SAMSN1: variants seen among roughly 807,000 people sequenced by gnomAD.
The protein encoded by SAMSN1 is SAM domain-containing protein SAMSN-1.
Under a neutral mutation model 42.0 loss-of-function variants are expected in SAMSN1, and 31 were observed. The ratio of observed to expected loss-of-function variants is 0.74; its 90% CI spans 0.55 to 1.00. The LOEUF is 1.00. Among genes scored for constraint, SAMSN1 ranks in the 50% least tolerant of loss-of-function variants. SAMSN1 has a pLI of 0.00. For missense variants in SAMSN1, 464 were observed against 439.4 expected, an observed-to-expected ratio of 1.06 and a Z score of -0.50; for synonymous variants, 178 against 151.9, an observed-to-expected ratio of 1.17 and a Z score of -1.26.
chr21:14,510,410 A>T lies in SAMSN1; in HGVS notation c.461T>A (p.Leu154Gln), dbSNP rs1987637281. The T allele has an allele frequency of 1.5e-5, 25 of 1,614,212 alleles. No homozygotes were observed. The highest frequency in any genetic ancestry group is 2.1e-5 in the Non-Finnish European group (25 of 1,180,020). Residue 154 changes from leucine (L) to glutamine (Q), a missense_variant, in exon 5 of 8, where the codon CTG (leucine) becomes CAG (glutamine). Transcript: ENST00000400566. ...TCCTGAATAGGGGCCATCGTCATCC[A>T]GTCGAAAGCTGTCCCGGTTACTTGT... is the stretch of plus-strand genomic sequence containing the variant. ...DGTSNRDSFR[L>Q]DDDGPYSGPF...
At chr21:14,551,618 T>C (rs561546504) in intron 2 of SAMSN1, among the ~76,000 whole-genome samples, 2 of 152,112 alleles carry the variant, frequency 1.3e-5, no homozygotes, top group African/African-American at 4.8e-5. Context: ...AATGATAAAA[T>C]TTAATCCATT....
intron 1 of SAMSN1, among the ~76,000 whole-genome samples, chr21:14,530,490 G>A (rs1399348034): frequency 6.6e-6 from 1 of 152,028 alleles, no homozygotes; most frequent in Non-Finnish European, 1.5e-5. Context: ...TTTCATAGGA[G>A]AGAAATAAAT....
At chr21:14,564,858 A>G (rs574514933) in intron 2 of SAMSN1, among the ~76,000 whole-genome samples, 1 of 152,246 alleles carries the variant, frequency 6.6e-6, no homozygotes, top group East Asian at 1.9e-4. Flanking sequence ...GATCACTCCA[A>G]ATCCACTCAG....
intron 7 of SAMSN1, among the ~76,000 whole-genome samples, chr21:14,591,629 C>G (rs1345133940): frequency 6.6e-6 from 1 of 152,082 alleles, no homozygotes; most frequent in Non-Finnish European, 1.5e-5. Context: ...TGATTATTCA[C>G]AGGAGAAAGA....
At chr21:14,533,575 T>C (rs1979403533) in intron 1 of SAMSN1, among the ~76,000 whole-genome samples, 1 of 152,120 alleles carries the variant, frequency 6.6e-6, no homozygotes, top group Non-Finnish European at 1.5e-5. Flanking sequence ...CGCCCTCACC[T>C]CAACAAGTAT....
At chr21:14,612,791 G>T in intron 4 of SAMSN1, 1 of 670,850 alleles carries the variant, frequency 1.5e-6, no homozygotes, top group Non-Finnish European at 2.8e-6. Flanking sequence ...AATCAGTTTT[G>T]TTGCTTTGTG....
chr21:14,596,948 T>A (rs1229640197), intron 6 of SAMSN1, among the ~76,000 whole-genome samples: 1 of 152,160 alleles, frequency 6.6e-6, no homozygotes, highest in Non-Finnish European at 1.5e-5. Context: ...TTAAAGTAAT[T>A]TGTTATGCGT....
intron 1 of SAMSN1, among the ~76,000 whole-genome samples, chr21:14,646,162 G>T (rs1213928213): frequency 6.6e-6 from 1 of 152,100 alleles, no homozygotes; most frequent in Admixed American, 6.6e-5. Flanking sequence ...CCAAGTACAA[G>T]AAGGTTATAG....
At position 14,571,051 on chromosome 21, in the gene SAMSN1, C is replaced by G. The variant is rs74850170; in HGVS notation, c.261+11085G>C. On this transcript the variant is annotated intron_variant, in intron 2 of 8. Coordinates refer to the SAMSN1 transcript ENST00000285670. ...TCTTCTCTTCCATCACATTTGAACT[C>G]TATCATCACTACCCATGAAAGCATT... 7.6e-3 allele frequency among the ~76,000 whole-genome samples: 1,153 copies of G among 152,304 alleles called. 11 individuals are homozygous for G. The highest frequency in any genetic ancestry group is 0.025 in the African/African-American group (1,040 of 41,564).
chr21:14,535,999 A>C (rs2123115906), intron 1 of SAMSN1, among the ~76,000 whole-genome samples: 1 of 152,336 alleles, frequency 6.6e-6, no homozygotes, highest in South Asian at 2.1e-4. Context: ...CTATCTATGC[A>C]AGAATCACTT....
chr21:14,521,579 C>T (rs895674066), intron 1 of SAMSN1, among the ~76,000 whole-genome samples: 6 of 152,124 alleles, frequency 3.9e-5, no homozygotes, highest in Admixed American at 1.3e-4. Flanking sequence ...ACAAACTTAA[C>T]AGCATGTAGT....
intron 2 of SAMSN1, among the ~76,000 whole-genome samples, chr21:14,642,172 G>T (rs557287505): frequency 2.0e-5 from 3 of 152,116 alleles, no homozygotes; most frequent in Non-Finnish European, 2.9e-5. Flanking sequence ...TGTATAAGTG[G>T]ACCTGCACAG....
chr21:14,628,578 A>T (rs1366986840), intron 2 of SAMSN1, among the ~76,000 whole-genome samples: 6 of 152,216 alleles, frequency 3.9e-5, no homozygotes, highest in Non-Finnish European at 8.8e-5. Context: ...GTAACAAGTC[A>T]TCACAAATGT....
chr21:14,617,894 C>G (rs1208661899), intron 2 of SAMSN1, among the ~76,000 whole-genome samples: 1 of 152,224 alleles, frequency 6.6e-6, no homozygotes, highest in East Asian at 1.9e-4. Flanking sequence ...CAAACATAGT[C>G]TCCTGTATCA....
At chr21:14,545,971 G>C (rs187672143) in intron 1 of SAMSN1, among the ~76,000 whole-genome samples, 49 of 152,246 alleles carry the variant, frequency 3.2e-4, no homozygotes, top group South Asian at 1.7e-3. Context: ...TTCACTTACA[G>C]ATGTAAATGT....
chr21:14,577,654 T>C (rs1203417294), intron 2 of SAMSN1, among the ~76,000 whole-genome samples: 1 of 152,104 alleles, frequency 6.6e-6, no homozygotes, highest in Non-Finnish European at 1.5e-5. Flanking sequence ...ACTCTTCAGT[T>C]ATTCTTCTTA....
At chr21:14,533,238 G>A (rs1380453068) in intron 1 of SAMSN1, among the ~76,000 whole-genome samples, 1 of 151,978 alleles carries the variant, frequency 6.6e-6, no homozygotes, top group East Asian at 1.9e-4. Context: ...ATTAAAAATA[G>A]CAGTAGCATA....
At chr21:14,486,485 G>A (rs933663984) in intron 7 of SAMSN1, among the ~76,000 whole-genome samples, 3 of 152,200 alleles carry the variant, frequency 2.0e-5, no homozygotes, top group East Asian at 1.9e-4. Flanking sequence ...ACTCCTTAAA[G>A]TATCATTAGA....
intron 1 of SAMSN1, among the ~76,000 whole-genome samples, chr21:14,544,073 A>G (rs1167267788): frequency 2.6e-5 from 4 of 152,160 alleles, no homozygotes; most frequent in African/African-American, 9.7e-5. Flanking sequence ...TTTTTGAGAA[A>G]GGGTCTTGCT....
Sources: allele counts gnomAD v4.1 joint callset (sites outside exome capture counted in the v4.1 genomes callset), GRCh38; gene constraint gnomAD v4.1.1; transcripts MANE v1.5; gene names NCBI Gene and HGNC (gene_info 2026-07-23, HGNC 2026-07-21).